The following TDG variants were observed in gnomAD, a reference collection of about 807,000 sequenced individuals.
TDG encodes G/T mismatch-specific thymine DNA glycosylase.
In TDG, 23 loss-of-function variants were observed where a neutral mutation model predicts 46.1. The ratio of observed to expected loss-of-function variants is 0.50; its 90% CI spans 0.36 to 0.71. TDG has a LOEUF of 0.71. Among genes scored for constraint, TDG ranks in the 30% least tolerant of loss-of-function variants. The pLI is 0.00. For missense variants in TDG, 304 were observed against 486.7 expected, an observed-to-expected ratio of 0.62 and a Z score of 3.53; for synonymous variants, 115 against 161.3, an observed-to-expected ratio of 0.71 and a Z score of 2.18.
chr12:103,973,968 C>A (rs1230791043), intron 1 of TDG, among the ~76,000 whole-genome samples: 1 of 152,074 alleles, frequency 6.6e-6, no homozygotes, highest in Non-Finnish European at 1.5e-5. Context: ...TCTTATGATA[C>A]AGGTTAATCT....
chr12:103,984,614 T>C (rs1469905285), intron 7 of TDG, 135 bp from the exon 8 acceptor site: 1 of 627,406 alleles, frequency 1.6e-6, no homozygotes, highest in African/African-American at 1.9e-5. Flanking sequence ...CAACTACTTT[T>C]ATTGATTTTT....
At chr12:103,974,478 G>C (rs1257336051) in intron 1 of TDG, among the ~76,000 whole-genome samples, 1 of 151,996 alleles carries the variant, frequency 6.6e-6, no homozygotes, top group Non-Finnish European at 1.5e-5. Context: ...TGGCGATCTT[G>C]CTATATTGCC....
Position 103,976,866 on chromosome 12 carries a change from T to A in TDG, c.24-52T>A, listed in dbSNP as rs751567199. The A allele has an allele frequency of 6.9e-6, 11 of 1,603,754 alleles. No individual in the cohort carries two copies. The East Asian group carries it at 2.2e-4, about 33-fold the overall frequency. On this transcript the variant is annotated intron_variant, in intron 1 of 9. Transcript: ENST00000392872. ...ATTTTTGTACAGCTGATCATTTGGATTTACATTTGGGTAATTTTATCATTA... is the reference window on the plus strand; with the variant it reads ...ATTTTTGTACAGCTGATCATTTGGAATTACATTTGGGTAATTTTATCATTA...
At chr12:103,973,780 A>T (rs1446540823) in intron 1 of TDG, among the ~76,000 whole-genome samples, 1 of 152,194 alleles carries the variant, frequency 6.6e-6, no homozygotes, top group African/African-American at 2.4e-5. Context: ...AGCCTTAGTT[A>T]TACTATTTTG....
rs1159808863 is a variant in TDG, at chr12:103,976,978, A to G, written c.84A>G (p.Glu28=). ...TTCCATTTCAACAACTGATGGCTGA[A>G]GCTCCTAATATGGCAGTTGTGAATG... is the stretch of plus-strand genomic sequence containing the variant. ...YTFPFQQLMA[E]APNMAVVNEQ... is the part of the protein sequence containing the mutation. Residue 28 remains glutamate (E), a synonymous_variant, in exon 2 of 10, where the codon GAA becomes GAG. Coordinates refer to ENST00000392872, the MANE Select transcript of TDG (RefSeq NM_003211.6). The G allele has an allele frequency of 1.9e-6, 3 of 1,613,994 alleles. No individual in the cohort carries two copies. Among genetic ancestry groups the G allele is most frequent in the East Asian group, 2.2e-5 (1 of 44,878 alleles).
At chr12:103,970,676 G>A (rs1871248122) in intron 1 of TDG, among the ~76,000 whole-genome samples, 1 of 152,026 alleles carries the variant, frequency 6.6e-6, no homozygotes, top group African/African-American at 2.4e-5. Flanking sequence ...GAGCCCAGGA[G>A]TTGGAGGCTG....
chr12:103,973,756 T>C (rs1274818104), intron 1 of TDG, among the ~76,000 whole-genome samples: 1 of 152,240 alleles, frequency 6.6e-6, no homozygotes, highest in Non-Finnish European at 1.5e-5. Context: ...GTCTACATAT[T>C]TTCCCTTATG....
intron 8 of TDG, 88 bp downstream of exon 8, chr12:103,985,008 T>A: frequency 4.5e-6 from 5 of 1,118,550 alleles, no homozygotes; most frequent in Non-Finnish European, 6.0e-6. Context: ...TATACATATA[T>A]ACATATACAC....
chr12:103,970,564 C>T (rs1871243851), intron 1 of TDG, among the ~76,000 whole-genome samples: 1 of 151,858 alleles, frequency 6.6e-6, no homozygotes, highest in Non-Finnish European at 1.5e-5. Context: ...TTAGAGAAAA[C>T]CTTAAAAATT....
rs554367831 is a variant in TDG, at chr12:103,987,080, G to T, written c.1223G>T (p.Ser408Ile). The T allele has an allele frequency of 1.2e-6, 2 of 1,613,810 alleles. No individual in the cohort carries two copies. The highest frequency in any genetic ancestry group is 2.2e-5 in the South Asian group (2 of 91,072). ...GGAACACAAGAACAGGAAGAAGAAA[G>T]CCATGCTTAAGAATGGTGCTTCTCA... ...HCGTQEQEEE[S>I]HA The change falls in exon 10 of 10, where the codon AGC (serine) becomes ATC (isoleucine). Residue 408 changes from serine to isoleucine, a missense_variant. Transcript: ENST00000392872.
intron 9 of TDG, 75 bp downstream of exon 9, chr12:103,985,803 G>T (rs1872127666): frequency 7.4e-7 from 1 of 1,357,320 alleles, no homozygotes. Flanking sequence ...TTAATAGAAG[G>T]AGAGTAAATT....
rs1872279720 is a variant in TDG at position 103,988,162 on chromosome 12, C to T, written c.*1072C>T. ...TTCTAATGAGTTTTCCATGGTGCTA[C>T]AAATAATCCAGACTACCAGGTCTGG... On this transcript the variant is annotated 3_prime_UTR_variant, in exon 10 of 10. Coordinates refer to ENST00000392872, the MANE Select transcript of TDG (RefSeq NM_003211.6). The T allele has an allele frequency of 6.6e-6, 1 of 152,552 alleles. No homozygotes were observed. The highest frequency in any genetic ancestry group is 2.4e-5 in the African/African-American group (1 of 41,482). The allele number at this position is 152,552 out of a possible 1,614,324, so 9.4% of individuals were successfully genotyped here.
Position 103,985,763 on chromosome 12 carries a change from G to A in TDG, c.1090+35G>A, listed in dbSNP as rs200835298. The A allele has an allele frequency of 2.0e-5, 29 of 1,471,416 alleles. No homozygotes were observed. In the South Asian group the frequency reaches 3.4e-4, roughly 17 times the overall value. 91.1% of individuals were successfully genotyped at this position (1,471,416 alleles called of 1,614,324 possible). ...CCTCCACATGTGTATTCCTTTCAAAGACGGTTTGGTCAGGATTGGGGGGAA... is the reference window on the plus strand; with the variant it reads ...CCTCCACATGTGTATTCCTTTCAAAAACGGTTTGGTCAGGATTGGGGGGAA... On this transcript the variant is annotated intron_variant, in intron 9 of 9. Transcript: ENST00000392872.
chr12:103,973,402 T>C (rs1163539267), intron 1 of TDG, among the ~76,000 whole-genome samples: 1 of 152,126 alleles, frequency 6.6e-6, no homozygotes, highest in Admixed American at 6.5e-5. Context: ...ATGCATTCTT[T>C]TGCTCGCTCA....
chr12:103,982,683 T>A, intron 4 of TDG, 116 bp from the exon 5 acceptor site: 1 of 1,002,728 alleles, frequency 1.0e-6, no homozygotes, highest in Non-Finnish European at 1.4e-6. Context: ...GAGGATTGCT[T>A]GAGCCTCGGT....
chr12:103,985,025 A>C, intron 8 of TDG, 105 bp downstream of exon 8: 3 of 910,372 alleles, frequency 3.3e-6, no homozygotes, highest in Non-Finnish European at 4.5e-6. Context: ...ACACATATAC[A>C]TATGTGTGCA....
intron 1 of TDG, among the ~76,000 whole-genome samples, chr12:103,970,991 A>G (rs1016347598): frequency 6.6e-6 from 1 of 152,206 alleles, no homozygotes; most frequent in African/African-American, 2.4e-5. Flanking sequence ...AGAATGCAGG[A>G]TGACAGCTAC....
In TDG at chr12:103,980,056, A is replaced by G. The variant is rs779276435; in HGVS notation, c.392A>G (p.Asn131Ser). ...TKTLPDILTF[N>S]LDIVIIGINP... Reference sequence around the variant, plus strand: ...ACTCTCCCCGATATTTTGACCTTCAATCTGGACATTGTCATTGTAAGATCT... The same window carrying G: ...ACTCTCCCCGATATTTTGACCTTCAGTCTGGACATTGTCATTGTAAGATCT... Residue 131 changes from asparagine to serine, a missense_variant, in exon 3 of 10, where the codon AAT (asparagine) becomes AGT (serine). Transcript: ENST00000392872. 17 of 1,614,100 alleles carry G rather than the reference A, an allele frequency of 1.1e-5. No homozygotes were observed. Among genetic ancestry groups the G allele is most frequent in the Admixed American group, 3.3e-5 (2 of 60,010 alleles).
At chr12:103,966,196 G>A (rs1871008819) in intron 1 of TDG, 136 bp downstream of exon 1, 1 of 1,203,804 alleles carries the variant, frequency 8.3e-7, no homozygotes. Context: ...TGCGCACTGT[G>A]GCCTGGTCGG....
Sources: gnomAD v4.1 joint callset for allele counts (sites outside exome capture counted in the v4.1 genomes callset) on GRCh38, gnomAD v4.1.1 for gene constraint, MANE v1.5 for transcripts, NCBI Gene and HGNC (gene_info 2026-07-23, HGNC 2026-07-21) for gene names.